The following PTPRK variants were observed in gnomAD, a reference collection of about 807,000 sequenced individuals.
PTPRK encodes the protein receptor-type tyrosine-protein phosphatase kappa.
Under a neutral mutation model 178.0 loss-of-function variants are expected in PTPRK, and 75 were observed. The ratio of observed to expected loss-of-function variants is 0.42; its 90% confidence interval spans 0.35 to 0.51. The LOEUF (loss-of-function observed/expected upper bound fraction) is 0.51, where lower values mean the gene tolerates loss of function less well. PTPRK is among the 20% of genes least tolerant of loss of function. The probability of loss-of-function intolerance (pLI) is 0.02; values close to 1 mark genes in which losing one functional copy is unlikely to be tolerated. For missense variants in PTPRK, 1,441 were observed against 1,797.8 expected, an observed-to-expected ratio of 0.80 and a Z score of 3.59; for synonymous variants, 637 against 620.6, an observed-to-expected ratio of 1.03 and a Z score of -0.39.
chr6:128,099,383 T>C (rs1788427900), intron 7 of PTPRK, among the ~76,000 whole-genome samples: 1 of 151,872 alleles, frequency 6.6e-6, no homozygotes, highest in Non-Finnish European at 1.5e-5. Flanking sequence ...CAGTTTTAAG[T>C]GAGACTATCT....
At chr6:128,096,281 A>G (rs1787890434) in intron 7 of PTPRK, among the ~76,000 whole-genome samples, 1 of 152,196 alleles carries the variant, frequency 6.6e-6, no homozygotes, top group Non-Finnish European at 1.5e-5. Flanking sequence ...AAAGGTTAAT[A>G]AAAGTAAAGA....
intron 1 of PTPRK, among the ~76,000 whole-genome samples, chr6:128,474,177 AAAACAAACAAACAAAC>A: frequency 6.6e-6 from 1 of 151,190 alleles, no homozygotes; most frequent in South Asian, 2.1e-4. Context: ...ATGGTAGGGG[AAAACAAACAAACAAAC>A]AAACAAACAA....
intron 6 of PTPRK, among the ~76,000 whole-genome samples, chr6:128,195,932 T>C (rs1804780750): frequency 6.6e-6 from 1 of 152,108 alleles, no homozygotes; most frequent in Non-Finnish European, 1.5e-5. Flanking sequence ...ATTTTGGAAT[T>C]AAACAAAAAA....
At chr6:128,167,396 T>C (rs1799578215) in intron 7 of PTPRK, among the ~76,000 whole-genome samples, 2 of 151,952 alleles carry the variant, frequency 1.3e-5, no homozygotes, top group South Asian at 2.1e-4. Context: ...TATTTCTAAA[T>C]TGAACAAAAG....
intron 2 of PTPRK, among the ~76,000 whole-genome samples, chr6:128,338,704 T>A (rs1045117690): frequency 6.6e-6 from 1 of 152,114 alleles, no homozygotes; most frequent in Non-Finnish European, 1.5e-5. Flanking sequence ...TGCTGCCTCC[T>A]CTTACTCAAT....
At chr6:128,143,406 T>G (rs1796056755) in intron 7 of PTPRK, among the ~76,000 whole-genome samples, 1 of 152,188 alleles carries the variant, frequency 6.6e-6, no homozygotes, top group Admixed American at 6.6e-5. Flanking sequence ...ATGTTTTATT[T>G]CTGGTGGTAA....
chr6:128,518,613 C>A (rs1159245407), intron 1 of PTPRK, among the ~76,000 whole-genome samples: 1 of 152,212 alleles, frequency 6.6e-6, no homozygotes, highest in East Asian at 1.9e-4. Context: ...AATACTCACT[C>A]CAACTTGCCT....
At chr6:128,286,498 A>G (rs1583908630) in intron 3 of PTPRK, among the ~76,000 whole-genome samples, 1 of 151,854 alleles carries the variant, frequency 6.6e-6, no homozygotes, top group Admixed American at 6.6e-5. Context: ...CATTTGGTTC[A>G]TTTGTGTACC....
Position 128,322,062 on chromosome 6 carries a change from T to A in PTPRK, c.472A>T (p.Thr158Ser). Residue 158 changes from threonine to serine, a missense_variant, in exon 3 of 30, where the codon ACC becomes TCC. This residue lies in a region of PTPRK where 3 missense variants were observed against 16.9 expected (regional missense o/e 0.18). Transcript: ENST00000368226. The stretch of plus-strand genomic sequence containing the variant: ...ACCTGATATTCATTGGGCCAAAAGG[T>A]GCTCACTGCTAGCTCAGCCCGAAGC... The part of the protein sequence containing the change: ...DWLRAELAVS[T>S]FWPNEYQVIF... 1 of 1,613,846 alleles carries A rather than the reference T, an allele frequency of 6.2e-7. No individual in the cohort carries two copies. The highest frequency in any genetic ancestry group is 1.3e-5 in the African/African-American group (1 of 75,014).
intron 1 of PTPRK, among the ~76,000 whole-genome samples, chr6:128,411,876 T>C (rs1842347274): frequency 6.6e-6 from 1 of 152,184 alleles, no homozygotes; most frequent in South Asian, 2.1e-4. Flanking sequence ...CATTATACTT[T>C]CTTATAATTT....
At chr6:128,027,640 G>A (rs895903185) in intron 13 of PTPRK, among the ~76,000 whole-genome samples, 3 of 151,732 alleles carry the variant, frequency 2.0e-5, no homozygotes, top group South Asian at 4.2e-4. Context: ...CTCTGTCACC[G>A]AGTCTGGAGT....
chr6:128,288,265 TAC>T (rs1225132930), intron 3 of PTPRK, among the ~76,000 whole-genome samples: 1 of 152,182 alleles, frequency 6.6e-6, no homozygotes. Context: ...TTTCTTGTCA[TAC>T]ACACATGGCT....
intron 7 of PTPRK, among the ~76,000 whole-genome samples, chr6:128,155,877 C>A (rs761588431): frequency 2.6e-5 from 4 of 151,646 alleles, no homozygotes; most frequent in Non-Finnish European, 5.9e-5. Flanking sequence ...CAAAGAGTCA[C>A]AAAAGTTTGG....
intron 11 of PTPRK, among the ~76,000 whole-genome samples, chr6:128,078,380 C>T (rs560791060): frequency 1.3e-5 from 2 of 151,948 alleles, no homozygotes; most frequent in African/African-American, 2.4e-5. Flanking sequence ...TTGAAATGAA[C>T]CACTTTATTA....
Position 128,100,262 on chromosome 6 carries a change from A to G in PTPRK, c.1163-10270T>C, listed in dbSNP as rs552250490. Among the ~76,000 whole-genome samples, 4 of 152,204 alleles carry G rather than the reference A, an allele frequency of 2.6e-5. No individual in the cohort carries two copies. The East Asian group carries it at 7.7e-4, about 29-fold the overall frequency. The stretch of plus-strand genomic sequence containing the variant: ...AATGAACTCCTTCACTTCTACCTGG[A>G]AAATCTGAGAACATATTAAAATGGA... On this transcript the variant is annotated intron_variant, in intron 7 of 29. Transcript: ENST00000368226.
chr6:128,110,638 T>C (rs1790499004), intron 7 of PTPRK, among the ~76,000 whole-genome samples: 1 of 151,888 alleles, frequency 6.6e-6, no homozygotes, highest in Non-Finnish European at 1.5e-5. Context: ...AAAATGTCAA[T>C]ATAGATATTT....
intron 15 of PTPRK, among the ~76,000 whole-genome samples, chr6:128,001,667 T>C (rs759045427): frequency 6.6e-6 from 1 of 151,774 alleles, no homozygotes; most frequent in African/African-American, 2.4e-5. Flanking sequence ...TAAAACCCCA[T>C]GAAAAAGGTA....
In PTPRK at chr6:128,486,051, A is replaced by G. The variant is rs1216463218; in HGVS notation, c.100+34208T>C. On this transcript the variant is annotated intron_variant, in intron 1 of 29. Transcript: ENST00000368226. ...GTGTTCAATTTTAGTTGAATTCTAA[A>G]ATGTATGTTCATTAAATAGTTTCAT... 3.9e-5 allele frequency among the ~76,000 whole-genome samples: 6 copies of G among 152,282 alleles called. No individual in the cohort carries two copies. In the South Asian group the frequency reaches 6.2e-4, roughly 16 times the overall value.
chr6:128,315,366 C>G (rs1358061045), intron 3 of PTPRK, among the ~76,000 whole-genome samples: 1 of 152,024 alleles, frequency 6.6e-6, no homozygotes, highest in African/African-American at 2.4e-5. Context: ...TGATTTACTG[C>G]TTCTAGAGGG....
Sources: allele counts gnomAD v4.1 joint callset (sites outside exome capture counted in the v4.1 genomes callset), GRCh38; gene constraint gnomAD v4.1.1; regional missense constraint gnomAD v4.1.1; transcripts MANE v1.5; gene names NCBI Gene and HGNC (gene_info 2026-07-23, HGNC 2026-07-21).